Variants in TACC2 observed in about 807,000 individuals in gnomAD.
TACC2 encodes transforming acidic coiled-coil-containing protein 2.
Under a neutral mutation model 227.3 loss-of-function variants are expected in TACC2, and 137 were observed. That is an observed-to-expected ratio of 0.60 (90% CI 0.52 to 0.69). The LOEUF is 0.69. Among genes scored for constraint, TACC2 ranks in the 30% least tolerant of loss-of-function variants. TACC2 has a pLI of 0.00. For missense variants in TACC2, 3,470 were observed against 3,694.4 expected (o/e 0.94, Z 1.57); for synonymous variants, 1,523 against 1,487.5 (o/e 1.02, Z -0.55).
chr10:122,198,899 C>T (rs927603687), intron 8 of TACC2, among the ~76,000 whole-genome samples: 5 of 152,230 alleles, frequency 3.3e-5, no homozygotes, highest in African/African-American at 1.2e-4. Flanking sequence ...CAGCCTAGGC[C>T]ACGCCCCCGA....
At chr10:122,145,656 G>T (rs2091280090) in intron 7 of TACC2, among the ~76,000 whole-genome samples, 1 of 152,030 alleles carries the variant, frequency 6.6e-6, no homozygotes, top group Non-Finnish European at 1.5e-5. Flanking sequence ...TTTTTTAAAA[G>T]AACTTATCCA....
chr10:122,069,819 T>G (rs540778347), intron 3 of TACC2, among the ~76,000 whole-genome samples: 1 of 152,280 alleles, frequency 6.6e-6, no homozygotes, highest in African/African-American at 2.4e-5. Context: ...CGGGCAAAGT[T>G]GTTTCTCTTC....
chr10:122,053,595 C>T (rs552886999), intron 3 of TACC2, among the ~76,000 whole-genome samples: 15 of 152,262 alleles, frequency 9.9e-5, no homozygotes, highest in Non-Finnish European at 1.2e-4. Flanking sequence ...GCTGCTTCTC[C>T]ACAACCGTAG....
Position 122,212,914 on chromosome 10 carries a change from A to G in TACC2, c.7283+1206A>G, listed in dbSNP as rs563524000. ...CAAGCCTGGAATAGGAGAAGTCTGCAATGGCTAGACTGCAAGGCCGTGCTC... is the reference window on the plus strand; with the variant it reads ...CAAGCCTGGAATAGGAGAAGTCTGCGATGGCTAGACTGCAAGGCCGTGCTC... On this transcript the variant is annotated intron_variant, in intron 9 of 22. Coordinates refer to ENST00000369005, the MANE Select transcript of TACC2 (RefSeq NM_206862.4). 3.1e-3 allele frequency among the ~76,000 whole-genome samples: 477 copies of G among 151,790 alleles called. 1 individual carries two copies. Among genetic ancestry groups the G allele is most frequent in the African/African-American group, 0.011 (459 of 41,224 alleles).
At chr10:122,187,178 G>T (rs1019011913) in intron 7 of TACC2, among the ~76,000 whole-genome samples, 37 of 152,224 alleles carry the variant, frequency 2.4e-4, no homozygotes, top group African/African-American at 8.7e-4. Flanking sequence ...GTGAGTTTCA[G>T]CAGACACATG....
intron 7 of TACC2, among the ~76,000 whole-genome samples, chr10:122,168,437 G>A (rs1388642321): frequency 6.6e-6 from 1 of 152,274 alleles, no homozygotes; most frequent in South Asian, 2.1e-4. Context: ...AAGCTTGGGT[G>A]CATTTTTCCC....
intron 6 of TACC2, among the ~76,000 whole-genome samples, chr10:122,137,571 C>T (rs1011477967): frequency 2.6e-5 from 4 of 152,204 alleles, no homozygotes; most frequent in African/African-American, 9.7e-5. Context: ...GCCTCTTGTG[C>T]TTTTCCCACA....
rs1224390640 is a variant in TACC2, at chr10:122,180,398, C to T, written c.5835-14642C>T. Among the ~76,000 whole-genome samples the T allele has an allele frequency of 1.3e-5, 2 of 150,734 alleles. No individual in the cohort carries two copies. The highest frequency in any genetic ancestry group is 2.0e-4 in the East Asian group (1 of 4,986). The stretch of plus-strand genomic sequence containing the variant: ...TGTCGCCCAGGCTGGAGTGCAGTGG[C>T]GCAATTTCAGCTCACTGCAAGCTCC... On this transcript the variant is annotated intron_variant, in intron 7 of 22. Transcript: ENST00000369005. This position sits in a 1 kb window ranked among gnomAD's most constrained non-coding sequence, Gnocchi z 4.5.
intron 1 of TACC2, among the ~76,000 whole-genome samples, chr10:122,001,943 A>G (rs1954412891): frequency 6.6e-6 from 1 of 152,166 alleles, no homozygotes; most frequent in Non-Finnish European, 1.5e-5. Flanking sequence ...ATCTGCTTAT[A>G]TTGATTATTT....
intron 2 of TACC2, among the ~76,000 whole-genome samples, chr10:122,047,595 A>G (rs1272672350): frequency 1.3e-5 from 2 of 152,134 alleles, no homozygotes; most frequent in Non-Finnish European, 1.5e-5. Context: ...TCAAACAGAG[A>G]CGCCCTGTCC....
At chr10:122,160,821 C>G (rs1263747842) in intron 7 of TACC2, among the ~76,000 whole-genome samples, 1 of 152,160 alleles carries the variant, frequency 6.6e-6, no homozygotes, top group Non-Finnish European at 1.5e-5. Context: ...TTTGTAAAGT[C>G]AGCATGGAAA....
chr10:122,225,873 G>A (rs2095618035), intron 12 of TACC2, among the ~76,000 whole-genome samples: 1 of 152,142 alleles, frequency 6.6e-6, no homozygotes, highest in South Asian at 2.1e-4. Context: ...GCATGTGGAG[G>A]GGGTCTTTCA....
chr10:122,130,371 G>A (rs545005402), intron 5 of TACC2, among the ~76,000 whole-genome samples: 1 of 152,130 alleles, frequency 6.6e-6, no homozygotes, highest in Non-Finnish European at 1.5e-5. Context: ...GCTCCTTCCT[G>A]ATTCAGGGTT....
At chr10:122,063,847 C>G (rs1320382396) in intron 3 of TACC2, among the ~76,000 whole-genome samples, 1 of 151,262 alleles carries the variant, frequency 6.6e-6, no homozygotes, top group African/African-American at 2.4e-5. Context: ...CACACACACA[C>G]ACACACACAC....
chr10:121,997,822 G>A (rs1461350649), intron 1 of TACC2, among the ~76,000 whole-genome samples: 1 of 152,090 alleles, frequency 6.6e-6, no homozygotes, highest in Non-Finnish European at 1.5e-5. Flanking sequence ...TTGGAGCATT[G>A]GTCAGTAGAA....
At position 122,194,228 on chromosome 10, in the gene TACC2, G is replaced by A. The variant is rs2094496716; in HGVS notation, c.5835-812G>A. Among the ~76,000 whole-genome samples, 1 of 152,226 alleles carries A rather than the reference G, an allele frequency of 6.6e-6. No individual in the cohort carries two copies. The highest frequency in any genetic ancestry group is 2.4e-5 in the African/African-American group (1 of 41,456). On this transcript the variant is annotated intron_variant, in intron 7 of 22. Coordinates refer to ENST00000369005, the MANE Select transcript of TACC2 (RefSeq NM_206862.4). This position sits in a 1 kb window ranked among gnomAD's most constrained non-coding sequence, Gnocchi z 4.4. ...CATGAGCCACCGCACCTGGCCTGTT[G>A]GTTCCTCTTCAACCCAGGCCAAGGC...
chr10:122,038,318 C>T (rs943362355), intron 2 of TACC2, among the ~76,000 whole-genome samples: 1 of 152,114 alleles, frequency 6.6e-6, no homozygotes, highest in Non-Finnish European at 1.5e-5. Context: ...TGAGGGCTGA[C>T]ATGAAAAAAG....
Position 122,050,831 on chromosome 10 carries a change from T to G in TACC2, c.146+281T>G, listed in dbSNP as rs2075593043. ...TCCAGAGTATCTTCATTGTCAGAAC[T>G]TAAAATGGAAAACATCAAGGGTTCC... On this transcript the variant is annotated intron_variant, in intron 3 of 22. Transcript: ENST00000369005. This position sits in a 1 kb window ranked among gnomAD's most constrained non-coding sequence, Gnocchi z 4.6. 5.0e-6 allele frequency: 2 copies of G among 403,592 alleles called. No individual in the cohort carries two copies. The highest frequency in any genetic ancestry group is 8.9e-6 in the Non-Finnish European group (2 of 225,016). 25.0% of individuals were successfully genotyped at this position (403,592 alleles called of 1,614,324 possible).
At chr10:122,076,657 G>A (rs1311702797) in intron 3 of TACC2, among the ~76,000 whole-genome samples, 1 of 151,934 alleles carries the variant, frequency 6.6e-6, no homozygotes, top group Non-Finnish European at 1.5e-5. Context: ...ACCAGTGAGT[G>A]TAGAGGTGTG....
Sources: allele counts gnomAD v4.1 joint callset (sites outside exome capture counted in the v4.1 genomes callset), GRCh38; gene constraint gnomAD v4.1.1; non-coding constraint Gnocchi (gnomAD v3.1); transcripts MANE v1.5; gene names NCBI Gene and HGNC (gene_info 2026-07-23, HGNC 2026-07-21).